FCRL3: variants seen among roughly 807,000 people sequenced by gnomAD.
FCRL3 encodes Fc receptor-like protein 3.
A neutral mutation model predicts 75.0 loss-of-function variants in FCRL3; 89 were observed. The observed-to-expected ratio is 1.19, with a 90% CI of 1.00 to 1.42. The LOEUF is 1.42. FCRL3 is among the 40% of genes most tolerant of loss of function. The pLI, the probability that FCRL3 is intolerant of heterozygous loss-of-function variation, is 0.00. For synonymous variants in FCRL3, 376 were observed against 348.5 expected (o/e 1.08, Z -0.88); for missense variants, 946 against 880.0 (o/e 1.07, Z -0.95).
At chr1:157,682,674 G>T (rs1571192105) in intron 11 of FCRL3, among the ~76,000 whole-genome samples, 1 of 152,192 alleles carries the variant, frequency 6.6e-6, no homozygotes, top group African/African-American at 2.4e-5. Flanking sequence ...GATACACAAA[G>T]ACCTCTGCAT....
rs1318940997 is a variant in FCRL3, at chr1:157,697,068, G to A, written c.844+72C>T. On this transcript the variant is annotated intron_variant, in intron 6 of 14. Coordinates refer to ENST00000368184, the MANE Select transcript of FCRL3 (RefSeq NM_052939.4). The stretch of plus-strand genomic sequence containing the variant: ...CTCTCTGTTATGTCCACCATCCTAG[G>A]GGTGCAGGAGATATCACTGGCCTTC... The A allele has an allele frequency of 4.6e-6, 6 of 1,311,208 alleles. No homozygotes were observed. In the East Asian group the frequency reaches 1.1e-4, roughly 23 times the overall value. The allele number at this position is 1,311,208 out of a possible 1,614,324, so 81.2% of individuals were successfully genotyped here.
Position 157,680,984 on chromosome 1 carries a change from T to G in FCRL3, c.1954A>C (p.Asn652His), listed in dbSNP as rs1263868848. 2.5e-6 allele frequency: 4 copies of G among 1,582,018 alleles called. No homozygotes were observed. The highest frequency in any genetic ancestry group is 3.7e-5 in the Admixed American group (2 of 53,636). ...APMELEPMYS[N>H]VNPGDSNPIY... ...CTGCCCCCTAGGGAGTCCTCACCAT[T>G]GCTGTACATTGGCTCCAGCTCCATT... The change falls in exon 12 of 15, where the codon AAT becomes CAT. Residue 652 changes from asparagine (N) to histidine (H), a missense_variant. By Grantham distance (68) the Asn-to-His change is moderately conservative. Coordinates refer to ENST00000368184, the MANE Select transcript of FCRL3 (RefSeq NM_052939.4).
intron 10 of FCRL3, among the ~76,000 whole-genome samples, chr1:157,688,654 AC>A (rs1249268779): frequency 1.3e-5 from 2 of 151,928 alleles, no homozygotes; most frequent in South Asian, 2.1e-4. Context: ...CAAAATTGAT[AC>A]CAGGTGAAAA....
At chr1:157,695,752 A>T in intron 7 of FCRL3, 145 bp from the exon 8 acceptor site, 4 of 1,046,442 alleles carry the variant, frequency 3.8e-6, no homozygotes, top group Non-Finnish European at 5.4e-6. Flanking sequence ...TCTAACAATC[A>T]GAAGCATTTC....
intron 9 of FCRL3, 127 bp from the exon 10 acceptor site, chr1:157,690,044 C>T: frequency 7.0e-7 from 1 of 1,421,056 alleles, no homozygotes; most frequent in South Asian, 1.4e-5. Flanking sequence ...ATTTTCAAAA[C>T]TATGGCATAT....
At position 157,690,526 on chromosome 1, in the gene FCRL3, C is replaced by T; in HGVS notation, c.1419G>A (p.Val473=). Reference sequence around the variant, plus strand: ...CCCTGAGGGTGAGGACGGGGCGAGACACCGGAACTGAGGGAGGAAAAATAG... The same window carrying T: ...CCCTGAGGGTGAGGACGGGGCGAGATACCGGAACTGAGGGAGGAAAAATAG... ...HGVSLRVTVP[V]SRPVLTLRAP... The change falls in exon 9 of 15, where the codon GTG becomes GTA. Residue 473 remains valine, a synonymous_variant. Coordinates refer to ENST00000368184, the MANE Select transcript of FCRL3 (RefSeq NM_052939.4). 6.2e-7 allele frequency: 1 copy of T among 1,613,766 alleles called. No homozygotes were observed. Among genetic ancestry groups the T allele is most frequent in the African/African-American group, 1.3e-5 (1 of 75,006 alleles).
intron 9 of FCRL3, 70 bp from the exon 10 acceptor site, chr1:157,689,987 G>C: frequency 1.3e-6 from 2 of 1,594,474 alleles, no homozygotes; most frequent in Non-Finnish European, 1.7e-6. Flanking sequence ...CATGCAAGTA[G>C]GGTGAGTGTG....
intron 10 of FCRL3, among the ~76,000 whole-genome samples, chr1:157,686,088 G>A (rs913849161): frequency 6.6e-6 from 1 of 151,904 alleles, no homozygotes; most frequent in African/African-American, 2.4e-5. Flanking sequence ...ACTCTGCCAA[G>A]AGTAAGGTTT....
At position 157,678,345 on chromosome 1, in the gene FCRL3, G is replaced by A; in HGVS notation, c.*365C>T. 9.5e-7 allele frequency: 1 copy of A among 1,055,744 alleles called. No individual in the cohort carries two copies. The highest frequency in any genetic ancestry group is 1.1e-6 in the Non-Finnish European group (1 of 873,988). The allele number at this position is 1,055,744 out of a possible 1,614,324, so 65.4% of individuals were successfully genotyped here. Reference sequence around the variant, plus strand: ...ATTTGGAGCAAATTGTTTATACAGAGAGCACATTAACAGCTTTCGATCACA... The same window carrying A: ...ATTTGGAGCAAATTGTTTATACAGAAAGCACATTAACAGCTTTCGATCACA... On this transcript the variant is annotated 3_prime_UTR_variant, in exon 15 of 15. Transcript: ENST00000368184.
intron 6 of FCRL3, chr1:157,696,775 CT>C: frequency 4.6e-6 from 1 of 219,756 alleles, no homozygotes. Flanking sequence ...TCATCTTCCC[CT>C]TTTCGGACTA....
intron 8 of FCRL3, among the ~76,000 whole-genome samples, chr1:157,693,685 CTCCTTCCT>C (rs753661568): frequency 2.0e-5 from 3 of 151,306 alleles, no homozygotes; most frequent in African/African-American, 7.3e-5. Flanking sequence ...TTTTCTTTCT[CTCCTTCCT>C]TCCTTCCTTC....
chr1:157,700,596 CAGAAA>C lies in FCRL3; in HGVS notation c.-96-16_-96-12del. 6.3e-7 allele frequency: 1 copy of C among 1,591,570 alleles called. No individual in the cohort carries two copies. Among genetic ancestry groups the C allele is most frequent in the Non-Finnish European group, 8.6e-7 (1 of 1,169,066 alleles). Reference sequence around the variant, plus strand: ...CTACTCAGATGAGACCTGCAAGAATCAGAAAAGGGAAGAAGAGCTTAGTGTCATAT... The same window carrying C: ...CTACTCAGATGAGACCTGCAAGAATCAGGGAAGAAGAGCTTAGTGTCATAT... On this transcript the variant is annotated splice_polypyrimidine_tract_variant and intron_variant, in intron 1 of 14. Coordinates refer to ENST00000368184, the MANE Select transcript of FCRL3 (RefSeq NM_052939.4).
Position 157,696,041 on chromosome 1 carries a change from T to A in FCRL3, c.1131A>T (p.Arg377Ser), listed in dbSNP as rs1223857073. 1.2e-6 allele frequency: 2 copies of A among 1,607,076 alleles called. No homozygotes were observed. Among genetic ancestry groups the A allele is most frequent in the East Asian group, 4.5e-5 (2 of 44,660 alleles). The stretch of plus-strand genomic sequence containing the variant: ...TGTGTGAAAGGAATCGGAACTTACT[T>A]CTCACGGTGACTCGAATCCACGTGC... ...ILSTWIRVTV[R>S]IPVSHPVLTF... Residue 377 changes from arginine to serine, a missense_variant and splice_region_variant, in exon 7 of 15, where the codon AGA becomes AGT. Coordinates refer to ENST00000368184, the MANE Select transcript of FCRL3 (RefSeq NM_052939.4).
intron 11 of FCRL3, among the ~76,000 whole-genome samples, chr1:157,681,304 C>T (rs1246650319): frequency 1.3e-5 from 2 of 151,478 alleles, no homozygotes; most frequent in Non-Finnish European, 2.9e-5. Flanking sequence ...AGGTTTGTTA[C>T]ATATGTATAT....
In FCRL3 at chr1:157,677,327, C is replaced by G. The variant is rs1654523340; in HGVS notation, c.*1383G>C. The G allele has an allele frequency of 2.0e-6, 2 of 986,404 alleles. No individual in the cohort carries two copies. Among genetic ancestry groups the G allele is most frequent in the East Asian group, 2.3e-4 (2 of 8,856 alleles). The allele number at this position is 986,404 out of a possible 1,614,324, so 61.1% of individuals were successfully genotyped here. Reference sequence around the variant, plus strand: ...TTGTTTGAATGCATGTAAGACATTCCCTAGGGACTCCAAGAAATATTGATT... The same window carrying G: ...TTGTTTGAATGCATGTAAGACATTCGCTAGGGACTCCAAGAAATATTGATT... On this transcript the variant is annotated 3_prime_UTR_variant, in exon 15 of 15. Transcript: ENST00000368184.
chr1:157,680,906 C>T (rs200087003), intron 12 of FCRL3, 75 bp downstream of exon 12: 153 of 1,445,340 alleles, frequency 1.1e-4, no homozygotes, highest in Non-Finnish European at 1.4e-4. Flanking sequence ...TGTGACAGGG[C>T]CATGGGCTGT....
At chr1:157,683,328 C>A in intron 10 of FCRL3, 84 bp from the exon 11 acceptor site, 1 of 1,506,692 alleles carries the variant, frequency 6.6e-7, no homozygotes, top group Admixed American at 1.8e-5. Flanking sequence ...TCCTAGAAAT[C>A]AGATTCATTC....
Position 157,697,211 on chromosome 1 carries a change from T to C in FCRL3, c.773A>G (p.Tyr258Cys). 1 of 1,585,776 alleles carries C rather than the reference T, an allele frequency of 6.3e-7. No individual in the cohort carries two copies. The highest frequency in any genetic ancestry group is 8.6e-7 in the Non-Finnish European group (1 of 1,165,356). Residue 258 changes from tyrosine (Y) to cysteine (C), a missense_variant, in exon 6 of 15, where the codon TAC becomes TGC. By Grantham distance (194) the Tyr-to-Cys change is radical. Coordinates refer to ENST00000368184, the MANE Select transcript of FCRL3 (RefSeq NM_052939.4). ...AGTCACTGTCTCCACCTCACACCAGTAAGACCCTGAGTCTTCAGTCCACAT... is the reference window on the plus strand; with the variant it reads ...AGTCACTGTCTCCACCTCACACCAGCAAGACCCTGAGTCTTCAGTCCACAT... Reference protein sequence around the residue: ...PAMWTEDSGSYWCEVETVTHS... With the variant: ...PAMWTEDSGSCWCEVETVTHS...
chr1:157,699,876 A>G (rs1400327119), intron 2 of FCRL3, among the ~76,000 whole-genome samples, 164 bp from the exon 3 acceptor site: 1 of 152,168 alleles, frequency 6.6e-6, no homozygotes, highest in Non-Finnish European at 1.5e-5. Flanking sequence ...TATTTTACAA[A>G]CGTGATGGCT....
Sources: gnomAD v4.1 joint callset for allele counts (sites outside exome capture counted in the v4.1 genomes callset) on GRCh38, gnomAD v4.1.1 for gene constraint, MANE v1.5 for transcripts, NCBI Gene and HGNC (gene_info 2026-07-23, HGNC 2026-07-21) for gene names.